The following GUCY1A1 variants were observed in gnomAD, a reference collection of about 807,000 sequenced individuals.
GUCY1A1 encodes guanylate cyclase soluble subunit alpha-1.
A neutral mutation model predicts 64.5 loss-of-function variants in GUCY1A1; 48 were observed. That is an observed-to-expected ratio of 0.74 (90% CI 0.59 to 0.95). The LOEUF (loss-of-function observed/expected upper bound fraction) is 0.95, where lower values mean the gene tolerates loss of function less well. Among genes scored for constraint, GUCY1A1 ranks in the 40% least tolerant of loss-of-function variants. The pLI, the probability that GUCY1A1 is intolerant of heterozygous loss-of-function variation, is 0.00. For synonymous variants in GUCY1A1, 308 were observed against 303.4 expected (o/e 1.02, Z -0.16); for missense variants, 804 against 825.3 (o/e 0.97, Z 0.32).
chr4:155,700,284 A>C (rs975408252), intron 3 of GUCY1A1, among the ~76,000 whole-genome samples: 1 of 152,210 alleles, frequency 6.6e-6, no homozygotes, highest in Non-Finnish European at 1.5e-5. Context: ...ACCTAGTAAG[A>C]GTAGGATTTG....
intron 2 of GUCY1A1, among the ~76,000 whole-genome samples, chr4:155,690,460 T>C (rs531934028): frequency 2.0e-5 from 3 of 152,312 alleles, no homozygotes; most frequent in East Asian, 3.9e-4. Context: ...TCACTTACTC[T>C]CTTGCTTATT....
Position 155,713,355 on chromosome 4 carries a change from A to G in GUCY1A1, c.1344A>G (p.Lys448=). The change falls in exon 7 of 10, where the codon AAA becomes AAG. Residue 448 remains lysine (K), a synonymous_variant. Transcript: ENST00000506455. ...ACCAAGCCCTGGAGGAGGAGAAGAA[A>G]AAGACAGTAGACCTTCTGTGCTCCA... ...QAHQALEEEK[K]KTVDLLCSIF... 3 of 1,614,164 alleles carry G rather than the reference A, an allele frequency of 1.9e-6. No homozygotes were observed. Among genetic ancestry groups the G allele is most frequent in the South Asian group, 2.2e-5 (2 of 91,080 alleles).
intron 7 of GUCY1A1, among the ~76,000 whole-genome samples, chr4:155,714,078 A>G (rs1732930690): frequency 6.6e-6 from 1 of 152,210 alleles, no homozygotes; most frequent in Non-Finnish European, 1.5e-5. Context: ...TTAACATGAT[A>G]CTTTTCATGG....
chr4:155,687,939 C>T (rs1355061527), intron 2 of GUCY1A1, among the ~76,000 whole-genome samples: 4 of 152,040 alleles, frequency 2.6e-5, no homozygotes, highest in African/African-American at 9.7e-5. Context: ...CTCACCATTA[C>T]AGGGCCGGGT....
intron 9 of GUCY1A1, among the ~76,000 whole-genome samples, chr4:155,724,996 CA>C (rs1460767236): frequency 6.6e-6 from 1 of 152,072 alleles, no homozygotes; most frequent in East Asian, 1.9e-4. Flanking sequence ...ATCGACCTTA[CA>C]GTGATCATTT....
intron 2 of GUCY1A1, among the ~76,000 whole-genome samples, chr4:155,674,493 T>G (rs1326390703): frequency 6.6e-6 from 1 of 151,578 alleles, no homozygotes; most frequent in Non-Finnish European, 1.5e-5. Flanking sequence ...AGATTACAAG[T>G]CCAGCATCTT....
At chr4:155,673,268 C>T (rs891289214) in intron 2 of GUCY1A1, among the ~76,000 whole-genome samples, 2 of 151,520 alleles carry the variant, frequency 1.3e-5, no homozygotes, top group South Asian at 4.1e-4. Context: ...ATGCTTGTCA[C>T]TGAGGAAGAT....
At chr4:155,687,142 A>G (rs1729103139) in intron 2 of GUCY1A1, among the ~76,000 whole-genome samples, 1 of 152,200 alleles carries the variant, frequency 6.6e-6, no homozygotes, top group Admixed American at 6.5e-5. Context: ...AAAATTGTCA[A>G]TCATTTATTT....
At chr4:155,683,953 T>C (rs1429416964) in intron 2 of GUCY1A1, among the ~76,000 whole-genome samples, 1 of 152,146 alleles carries the variant, frequency 6.6e-6, no homozygotes, top group Non-Finnish European at 1.5e-5. Flanking sequence ...GTGAACTCAA[T>C]ACACCTATAC....
In GUCY1A1 at chr4:155,733,226, G is replaced by A. The variant is rs1291608430; in HGVS notation, c.*2995G>A. Among the ~76,000 whole-genome samples, 2 of 151,754 alleles carry A rather than the reference G, an allele frequency of 1.3e-5. No individual in the cohort carries two copies. The highest frequency in any genetic ancestry group is 3.9e-4 in the East Asian group (2 of 5,136). ...AAAGGAAAGTGAAAGACAAATGTAA[G>A]ACATAATTACAACATTCTGTGGGAG... On this transcript the variant is annotated 3_prime_UTR_variant, in exon 10 of 10. Transcript: ENST00000506455.
At chr4:155,695,851 C>T (rs1018548085) in intron 2 of GUCY1A1, among the ~76,000 whole-genome samples, 21 of 152,228 alleles carry the variant, frequency 1.4e-4, no homozygotes, top group African/African-American at 5.1e-4. Flanking sequence ...AGCTGGTAGA[C>T]CCAGTTAATC....
intron 6 of GUCY1A1, among the ~76,000 whole-genome samples, chr4:155,712,864 T>C (rs1291604763): frequency 1.3e-5 from 2 of 152,236 alleles, no homozygotes; most frequent in Admixed American, 1.3e-4. Flanking sequence ...AAGAGCGTTT[T>C]GCATTGTTCA....
intron 3 of GUCY1A1, among the ~76,000 whole-genome samples, chr4:155,702,462 TTGA>T (rs1049053415): frequency 3.3e-5 from 5 of 152,180 alleles, no homozygotes; most frequent in Non-Finnish European, 5.9e-5. Flanking sequence ...TCCTTTTTCC[TTGA>T]TGAGAAAGAT....
chr4:155,702,822 C>T (rs952521802), intron 3 of GUCY1A1, among the ~76,000 whole-genome samples: 11 of 152,022 alleles, frequency 7.2e-5, no homozygotes, highest in Admixed American at 6.5e-4. Context: ...TTTTGGTTTA[C>T]TCCAGTACCT....
In GUCY1A1 at chr4:155,734,738, G is replaced by A. The variant is rs1343308705; in HGVS notation, c.*4507G>A. The A allele has an allele frequency of 2.0e-5, 3 of 151,952 alleles. No homozygotes were observed. The highest frequency in any genetic ancestry group is 7.2e-5 in the African/African-American group (3 of 41,408). The allele number at this position is 151,952 out of a possible 1,614,324, so 9.4% of individuals were successfully genotyped here. A position where few individuals can be genotyped will look rare whatever the true frequency, so the allele number is the denominator to read the frequency against. On this transcript the variant is annotated 3_prime_UTR_variant, in exon 10 of 10. Coordinates refer to ENST00000506455, the MANE Select transcript of GUCY1A1 (RefSeq NM_001130682.3). Reference sequence around the variant, plus strand: ...GCTGCAGAGACGGTAGCAAAGTGCAGTTCTCTTGTTAAAACACAGGCTAAA... The same window carrying A: ...GCTGCAGAGACGGTAGCAAAGTGCAATTCTCTTGTTAAAACACAGGCTAAA...
In GUCY1A1 at chr4:155,676,304, T is replaced by G. The variant is rs866982215; in HGVS notation, c.-113+8885T>G. Among the ~76,000 whole-genome samples, 487 of 148,622 alleles carry G rather than the reference T, an allele frequency of 3.3e-3. 4 individuals are homozygous for G. Among genetic ancestry groups the G allele is most frequent in the South Asian group, 9.4e-3 (44 of 4,684 alleles). On this transcript the variant is annotated intron_variant, in intron 2 of 9. Transcript: ENST00000506455. ...AGAATGTCCTAAGAAGAGCTGGTTT[T>G]TTTTTTTTTTTTTTTAACAATTTTG... is the stretch of plus-strand genomic sequence containing the variant.
In GUCY1A1 at chr4:155,722,201, T is replaced by C; in HGVS notation, c.1871+9T>C. On this transcript the variant is annotated intron_variant, in intron 9 of 9. Coordinates refer to ENST00000506455, the MANE Select transcript of GUCY1A1 (RefSeq NM_001130682.3). Reference sequence around the variant, plus strand: ...AGCCCAACAACTTACAGGTAGTAATTATGTTAAACACCTAAAATCTCTTGT... The same window carrying C: ...AGCCCAACAACTTACAGGTAGTAATCATGTTAAACACCTAAAATCTCTTGT... 6.2e-7 allele frequency: 1 copy of C among 1,609,858 alleles called. No individual in the cohort carries two copies. The highest frequency in any genetic ancestry group is 8.5e-7 in the Non-Finnish European group (1 of 1,177,832).
At chr4:155,684,223 G>C (rs1736214669) in intron 2 of GUCY1A1, among the ~76,000 whole-genome samples, 2 of 152,108 alleles carry the variant, frequency 1.3e-5, no homozygotes, top group African/African-American at 4.8e-5. Context: ...TTGTGGGTTT[G>C]GATTTAATGG....
chr4:155,673,864 C>G (rs1734492965), intron 2 of GUCY1A1, among the ~76,000 whole-genome samples: 1 of 151,504 alleles, frequency 6.6e-6, no homozygotes, highest in African/African-American at 2.5e-5. Context: ...ACTTCCAAGC[C>G]TAAATTGCAT....
Sources: allele counts gnomAD v4.1 joint callset (sites outside exome capture counted in the v4.1 genomes callset), GRCh38; gene constraint gnomAD v4.1.1; transcripts MANE v1.5; gene names NCBI Gene and HGNC (gene_info 2026-07-23, HGNC 2026-07-21).